The following FHIT variants were observed in gnomAD, a reference collection of about 807,000 sequenced individuals.
FHIT encodes the protein fragile histidine triad diadenosine triphosphatase.
A neutral mutation model predicts 17.9 loss-of-function variants in FHIT; 19 were observed. That is an observed-to-expected ratio of 1.06 (90% confidence interval 0.74 to 1.56). FHIT has a LOEUF of 1.56. Among genes scored for constraint, FHIT ranks in the 40% most tolerant of loss-of-function variants. The pLI, the probability that FHIT is intolerant of heterozygous loss-of-function variation, is 0.00. For missense variants in FHIT, 248 were observed against 189.2 expected (o/e 1.31, Z -1.82); for synonymous variants, 81 against 69.7 (o/e 1.16, Z -0.81).
At chr3:61,127,520 AC>A (rs1181048215) in intron 2 of FHIT, among the ~76,000 whole-genome samples, 7 of 151,744 alleles carry the variant, frequency 4.6e-5, no homozygotes, top group South Asian at 2.1e-4. Flanking sequence ...CAGAAAACAA[AC>A]CCCCCCTGAC....
chr3:59,939,302 G>A (rs1476669243), intron 7 of FHIT, among the ~76,000 whole-genome samples: 1 of 152,104 alleles, frequency 6.6e-6, no homozygotes, highest in Non-Finnish European at 1.5e-5. Flanking sequence ...GGCTCACACA[G>A]ACTGGCCATT....
chr3:60,816,705 T>A (rs1701750912), intron 4 of FHIT, among the ~76,000 whole-genome samples: 1 of 146,116 alleles, frequency 6.8e-6, no homozygotes, highest in East Asian at 2.0e-4. Context: ...CTTTTTTTTT[T>A]ATTGTGTGTT....
chr3:60,651,629 C>T (rs2039993741), intron 4 of FHIT, among the ~76,000 whole-genome samples: 2 of 152,048 alleles, frequency 1.3e-5, no homozygotes, highest in Middle Eastern at 3.4e-3. Flanking sequence ...ACACAAACTT[C>T]TGGGCTGATC....
intron 5 of FHIT, among the ~76,000 whole-genome samples, chr3:60,402,855 C>G (rs138701436): frequency 2.6e-5 from 4 of 152,144 alleles, no homozygotes; most frequent in African/African-American, 9.7e-5. Flanking sequence ...TCCACATTTA[C>G]TGAAATAAAA....
At chr3:60,849,913 ACTT>A (rs1433356413) in intron 3 of FHIT, among the ~76,000 whole-genome samples, 3 of 151,952 alleles carry the variant, frequency 2.0e-5, no homozygotes, top group Non-Finnish European at 2.9e-5. Flanking sequence ...CCCCACTTCT[ACTT>A]CTTCTCTTCT....
intron 2 of FHIT, among the ~76,000 whole-genome samples, chr3:61,069,853 C>T (rs2034743109): frequency 6.6e-6 from 1 of 152,186 alleles, no homozygotes; most frequent in Non-Finnish European, 1.5e-5. Context: ...TCTAAGTGCA[C>T]ACTACTCTAG....
intron 7 of FHIT, among the ~76,000 whole-genome samples, chr3:59,975,941 C>T (rs894916830): frequency 6.6e-6 from 1 of 152,100 alleles, no homozygotes; most frequent in East Asian, 1.9e-4. Flanking sequence ...TCCAGTTCCT[C>T]CCCTGTACTA....
chr3:60,769,268 G>A (rs749915430), intron 4 of FHIT, among the ~76,000 whole-genome samples: 6 of 151,990 alleles, frequency 3.9e-5, no homozygotes, highest in African/African-American at 9.7e-5. Context: ...GCTGCAGAAT[G>A]TTCTCTTAAC....
chr3:60,205,017 G>C (rs904105982), intron 5 of FHIT, among the ~76,000 whole-genome samples: 3 of 151,580 alleles, frequency 2.0e-5, no homozygotes, highest in African/African-American at 7.3e-5. Flanking sequence ...GATAGCTTGA[G>C]CCTGGGAGGC....
chr3:60,315,990 C>A (rs563778543), intron 5 of FHIT, among the ~76,000 whole-genome samples: 33 of 152,294 alleles, frequency 2.2e-4, no homozygotes, highest in Admixed American at 2.6e-4. Flanking sequence ...ATTTGTCCTT[C>A]CATATTGACC....
At chr3:60,673,746 A>C (rs1178859725) in intron 4 of FHIT, among the ~76,000 whole-genome samples, 1 of 152,184 alleles carries the variant, frequency 6.6e-6, no homozygotes, top group Non-Finnish European at 1.5e-5. Context: ...TCTGGCTTGA[A>C]TAGTTTTTAT....
chr3:60,942,105 T>A lies in FHIT; in HGVS notation c.-111+99942A>T, dbSNP rs1341206271. Among the ~76,000 whole-genome samples the A allele has an allele frequency of 3.9e-5, 6 of 152,158 alleles. No individual in the cohort carries two copies. In the East Asian group the frequency reaches 1.2e-3, roughly 29 times the overall value. ...TTCAGGCAATTCTCCTGCCTCAGCC[T>A]CCCGAGTAGCTGGATTATAGGTGCC... On this transcript the variant is annotated intron_variant, in intron 3 of 9. Transcript: ENST00000492590.
intron 3 of FHIT, among the ~76,000 whole-genome samples, chr3:60,864,342 T>A (rs1290700367): frequency 1.3e-5 from 2 of 152,118 alleles, no homozygotes; most frequent in African/African-American, 4.8e-5. Flanking sequence ...GAAACCAGCC[T>A]AAAGTTACTA....
At chr3:59,784,707 C>G (rs1453666057) in intron 8 of FHIT, among the ~76,000 whole-genome samples, 1 of 152,180 alleles carries the variant, frequency 6.6e-6, no homozygotes. Context: ...TTCGGTGCTC[C>G]TTTGTCCTTC....
chr3:59,808,075 G>A (rs1700272694), intron 8 of FHIT, among the ~76,000 whole-genome samples: 1 of 151,202 alleles, frequency 6.6e-6, no homozygotes, highest in Non-Finnish European at 1.5e-5. Context: ...CCATTAAGTG[G>A]TAACTCCCCT....
Position 60,916,074 on chromosome 3 carries a change from T to C in FHIT, c.-110-94063A>G, listed in dbSNP as rs1706986586. On this transcript the variant is annotated intron_variant, in intron 3 of 9. Transcript: ENST00000492590. ...TAAAAATGTCATAGAGATGGTTCTG[T>C]ATAGACCCATTTTTGTGATGGTCTA... Among the ~76,000 whole-genome samples, 2 of 152,330 alleles carry C rather than the reference T, an allele frequency of 1.3e-5. 1 individual carries two copies. The highest frequency in any genetic ancestry group is 4.1e-4 in the South Asian group (2 of 4,822).
chr3:61,209,041 G>C (rs922273216), intron 1 of FHIT, among the ~76,000 whole-genome samples: 16 of 151,934 alleles, frequency 1.1e-4, no homozygotes, highest in Non-Finnish European at 1.5e-5. Context: ...GCATTTGCTT[G>C]TCTGTAAAGG....
intron 5 of FHIT, among the ~76,000 whole-genome samples, chr3:60,029,721 T>G (rs1292601886): frequency 6.6e-6 from 1 of 152,174 alleles, no homozygotes; most frequent in South Asian, 2.1e-4. Context: ...TTATGAGTAT[T>G]CAGCCAGGTG....
intron 5 of FHIT, among the ~76,000 whole-genome samples, chr3:60,459,666 CCT>C (rs1284226197): frequency 2.6e-5 from 4 of 152,160 alleles, no homozygotes; most frequent in Non-Finnish European, 5.9e-5. Flanking sequence ...TAGCCTTTTT[CCT>C]CTCCTTCAAT....
Sources: gnomAD v4.1 joint callset for allele counts (sites outside exome capture counted in the v4.1 genomes callset) on GRCh38, gnomAD v4.1.1 for gene constraint, MANE v1.5 for transcripts, NCBI Gene and HGNC (gene_info 2026-07-23, HGNC 2026-07-21) for gene names.